The following VAV3 variants were observed in gnomAD, a reference collection of about 807,000 sequenced individuals.
The protein encoded by VAV3 is guanine nucleotide exchange factor VAV3.
Under a neutral mutation model 131.2 loss-of-function variants are expected in VAV3, and 94 were observed. The ratio of observed to expected loss-of-function variants is 0.72; its 90% CI spans 0.61 to 0.85. VAV3 has a LOEUF of 0.85. Ranked by LOEUF, VAV3 falls within the 40% of genes least tolerant of loss-of-function variation. The pLI, the probability that VAV3 is intolerant of heterozygous loss-of-function variation, is 0.00. For synonymous variants in VAV3, 349 were observed against 342.0 expected (o/e 1.02, Z -0.22); for missense variants, 939 against 1,002.7 (o/e 0.94, Z 0.86).
intron 17 of VAV3, among the ~76,000 whole-genome samples, chr1:107,702,722 C>T (rs1308082045): frequency 6.6e-6 from 1 of 151,596 alleles, no homozygotes; most frequent in Admixed American, 6.6e-5. Context: ...AAGTTTGGTG[C>T]TCCTTAACGT....
intron 17 of VAV3, chr1:107,688,636 G>T: frequency 8.8e-7 from 1 of 1,134,282 alleles, no homozygotes; most frequent in Non-Finnish European, 1.2e-6. Context: ...TGACTTCTAG[G>T]TTATGCTTAA....
chr1:107,601,694 G>C (rs1458117974), intron 24 of VAV3, among the ~76,000 whole-genome samples: 1 of 152,074 alleles, frequency 6.6e-6, no homozygotes, highest in African/African-American at 2.4e-5. Context: ...TGTTAGCAAC[G>C]CATACATGAT....
intron 1 of VAV3, among the ~76,000 whole-genome samples, chr1:107,892,144 T>C (rs1671339185): frequency 6.6e-6 from 1 of 152,174 alleles, no homozygotes; most frequent in Non-Finnish European, 1.5e-5. Flanking sequence ...CATAATGGCA[T>C]GTCATTGTTA....
At chr1:107,964,498 A>C (rs1557950618) in intron 1 of VAV3, 168 bp downstream of exon 1, 1 of 672,772 alleles carries the variant, frequency 1.5e-6, no homozygotes, top group African/African-American at 1.8e-5. Context: ...AACCATTTCA[A>C]GCCAAGGTAG....
intron 2 of VAV3, among the ~76,000 whole-genome samples, chr1:107,858,505 G>A (rs1669582430): frequency 6.6e-6 from 1 of 152,164 alleles, no homozygotes; most frequent in African/African-American, 2.4e-5. Context: ...CAGGAGGTGA[G>A]CAGTGCGTGA....
intron 15 of VAV3, among the ~76,000 whole-genome samples, chr1:107,748,625 A>T (rs939874632): frequency 6.6e-6 from 1 of 152,206 alleles, no homozygotes; most frequent in Non-Finnish European, 1.5e-5. Context: ...TATATAATTT[A>T]AAAATATAGT....
chr1:107,698,128 CA>C (rs1251119378), intron 17 of VAV3, among the ~76,000 whole-genome samples: 4 of 152,184 alleles, frequency 2.6e-5, no homozygotes, highest in African/African-American at 9.7e-5. Flanking sequence ...ACCAACTTCA[CA>C]GAATTTATAT....
chr1:107,611,550 G>A (rs1164531967), intron 21 of VAV3, among the ~76,000 whole-genome samples: 1 of 147,804 alleles, frequency 6.8e-6, no homozygotes, highest in African/African-American at 2.5e-5. Flanking sequence ...TTCTTTAAAA[G>A]TATAATGTAT....
At chr1:107,853,578 CAAAA>C (rs902524690) in intron 2 of VAV3, among the ~76,000 whole-genome samples, 1 of 136,640 alleles carries the variant, frequency 7.3e-6, no homozygotes, top group African/African-American at 2.7e-5. Flanking sequence ...CCTCAAGAAC[CAAAA>C]AAAAAAAATT....
intron 19 of VAV3, among the ~76,000 whole-genome samples, chr1:107,650,523 T>A (rs1656077427): frequency 6.6e-6 from 1 of 150,488 alleles, no homozygotes; most frequent in African/African-American, 2.4e-5. Context: ...GGTGGAGCCT[T>A]TTTTTTTAAA....
intron 20 of VAV3, among the ~76,000 whole-genome samples, chr1:107,625,507 T>C (rs1447901949): frequency 1.3e-5 from 2 of 152,106 alleles, no homozygotes; most frequent in African/African-American, 4.8e-5. Context: ...CCTCAAATCA[T>C]CCACTTGCCC....
At chr1:107,689,733 A>C (rs1659293035) in intron 17 of VAV3, among the ~76,000 whole-genome samples, 1 of 152,156 alleles carries the variant, frequency 6.6e-6, no homozygotes, top group South Asian at 2.1e-4. Flanking sequence ...ACAAAAAGTT[A>C]CTTCATTTCT....
chr1:107,840,231 G>C (rs9325361), intron 2 of VAV3, among the ~76,000 whole-genome samples: 107,316 of 152,076 alleles, frequency 0.71, 38,146 homozygotes, highest in Non-Finnish European at 0.74. Flanking sequence ...AAATGTTACA[G>C]TGTTAGCAGT....
intron 1 of VAV3, among the ~76,000 whole-genome samples, chr1:107,963,135 T>C (rs1006543762): frequency 6.6e-6 from 1 of 152,130 alleles, no homozygotes; most frequent in African/African-American, 2.4e-5. Context: ...GAAAACGTGA[T>C]TATTGAGAGC....
intron 1 of VAV3, among the ~76,000 whole-genome samples, chr1:107,930,462 T>A (rs1161306562): frequency 6.6e-5 from 10 of 152,062 alleles, no homozygotes; most frequent in Non-Finnish European, 1.2e-4. Context: ...AATCAATTAG[T>A]CATTACTAGA....
Position 107,891,838 on chromosome 1 carries a change from C to CAAAAAAAAAA in VAV3, c.205-16831_205-16822dup, listed in dbSNP as rs35693360. On this transcript the variant is annotated intron_variant, in intron 1 of 26. Transcript: ENST00000370056. The stretch of plus-strand genomic sequence containing the variant: ...TGGGGGACACAGCAAGACTCCGTCT[C>CAAAAAAAAAA]AAAAAAAAAAAAAAAAAAAAAAAAA... Among the ~76,000 whole-genome samples the CAAAAAAAAAA allele has an allele frequency of 2.0e-3, 57 of 27,924 alleles. 1 individual carries two copies. The highest frequency in any genetic ancestry group is 5.3e-3 in the African/African-American group (51 of 9,546). The allele number at this position is 27,924 out of a possible 152,430, so 18.3% of individuals were successfully genotyped here. A position where few individuals can be genotyped will look rare whatever the true frequency, so the allele number is the denominator to read the frequency against.
rs572293778 is a variant in VAV3 at position 107,685,783 on chromosome 1, T to C, written c.1732-2250A>G. ...GATCATATTTTGAACAATTTTAAAG[T>C]GCAAATTTCATTTGTCATTCTGTCA... is the stretch of plus-strand genomic sequence containing the variant. On this transcript the variant is annotated intron_variant, in intron 18 of 26. Transcript: ENST00000370056. 2.0e-5 allele frequency: 3 copies of C among 152,166 alleles called. No individual in the cohort carries two copies. In the South Asian group the frequency reaches 6.2e-4, roughly 32 times the overall value. 9.4% of individuals were successfully genotyped at this position (152,166 alleles called of 1,614,324 possible).
At chr1:107,673,910 G>A (rs988441036) in intron 19 of VAV3, among the ~76,000 whole-genome samples, 2 of 152,118 alleles carry the variant, frequency 1.3e-5, no homozygotes, top group African/African-American at 4.8e-5. Flanking sequence ...TATATTTTCC[G>A]AATATTTTAA....
intron 25 of VAV3, among the ~76,000 whole-genome samples, chr1:107,578,245 A>C (rs1279321708): frequency 2.0e-5 from 3 of 152,168 alleles, no homozygotes; most frequent in Non-Finnish European, 4.4e-5. Context: ...CTTTTCACCT[A>C]CCATGAAGTA....
Sources: gnomAD v4.1 joint callset for allele counts (sites outside exome capture counted in the v4.1 genomes callset) on GRCh38, gnomAD v4.1.1 for gene constraint, MANE v1.5 for transcripts, NCBI Gene and HGNC (gene_info 2026-07-23, HGNC 2026-07-21) for gene names.